The following CDH13 variants were observed in gnomAD, a reference collection of about 807,000 sequenced individuals.
CDH13 encodes cadherin 13.
In CDH13, 24 loss-of-function variants were observed where a neutral mutation model predicts 63.8. The ratio of observed to expected loss-of-function variants is 0.38; its 90% CI spans 0.27 to 0.53. CDH13 has a LOEUF of 0.53. CDH13 is among the 20% of genes least tolerant of loss of function. The probability of loss-of-function intolerance (pLI) is 0.85; values close to 1 mark genes in which losing one functional copy is unlikely to be tolerated. For synonymous variants in CDH13, 503 were observed against 355.3 expected (o/e 1.42, Z -4.67); for missense variants, 1,049 against 903.1 (o/e 1.16, Z -2.07).
At chr16:83,574,839 A>G (rs760995744) in intron 7 of CDH13, among the ~76,000 whole-genome samples, 13 of 152,170 alleles carry the variant, frequency 8.5e-5, no homozygotes, top group Non-Finnish European at 1.8e-4. Context: ...AATATCCATG[A>G]ACTCCAGTTT....
chr16:83,302,024 G>A (rs1465663411), intron 5 of CDH13, among the ~76,000 whole-genome samples: 2 of 151,882 alleles, frequency 1.3e-5, no homozygotes, highest in African/African-American at 2.4e-5. Context: ...TAAAATCCCA[G>A]CTAGTCCATT....
intron 1 of CDH13, among the ~76,000 whole-genome samples, chr16:82,805,616 T>A (rs751542736): frequency 1.3e-5 from 2 of 152,152 alleles, no homozygotes; most frequent in Admixed American, 1.3e-4. Context: ...TGTCATTCTG[T>A]GAGTCAGAGT....
intron 7 of CDH13, among the ~76,000 whole-genome samples, chr16:83,582,105 G>A (rs560589202): frequency 8.5e-5 from 13 of 152,162 alleles, no homozygotes; most frequent in African/African-American, 3.1e-4. Context: ...GGGTTGTCAG[G>A]GGGGTGGTTA....
At chr16:83,482,067 C>T (rs1426021375) in intron 6 of CDH13, among the ~76,000 whole-genome samples, 2 of 152,156 alleles carry the variant, frequency 1.3e-5, no homozygotes, top group Non-Finnish European at 2.9e-5. Context: ...GCAAGGACCT[C>T]CAAGGCGCAT....
chr16:83,271,097 T>C (rs2088792573), intron 5 of CDH13, among the ~76,000 whole-genome samples: 1 of 151,988 alleles, frequency 6.6e-6, no homozygotes, highest in Non-Finnish European at 1.5e-5. Flanking sequence ...ACTCAGCATA[T>C]AAAATCCTAT....
rs1042218081 is a variant in CDH13, at chr16:83,523,962, C to T, written c.960+37307C>T. On this transcript the variant is annotated intron_variant, in intron 7 of 13. Transcript: ENST00000567109. ...CCCAGATGGAGAGCGTCCTGGGCAA[C>T]CAAAGTCCCCAGGAGTATTTGCACC... is the stretch of plus-strand genomic sequence containing the variant. Among the ~76,000 whole-genome samples, 3 of 152,186 alleles carry T rather than the reference C, an allele frequency of 2.0e-5. No individual in the cohort carries two copies. In the East Asian group the frequency reaches 5.8e-4, roughly 29 times the overall value.
intron 2 of CDH13, 30 bp from the exon 3 acceptor site, chr16:83,031,980 G>A: frequency 1.3e-6 from 2 of 1,537,330 alleles, no homozygotes; most frequent in East Asian, 2.4e-5. Context: ...ACCTACTCAT[G>A]CTCCTTCTGT....
chr16:83,606,823 C>T (rs1279387785), intron 8 of CDH13, among the ~76,000 whole-genome samples: 1 of 151,248 alleles, frequency 6.6e-6, no homozygotes, highest in Non-Finnish European at 1.5e-5. Flanking sequence ...TCTGCTCCGC[C>T]GCCCTCACGG....
chr16:82,876,747 T>G (rs2040519945), intron 2 of CDH13, among the ~76,000 whole-genome samples: 2 of 152,206 alleles, frequency 1.3e-5, no homozygotes, highest in Non-Finnish European at 2.9e-5. Context: ...GAGCCCACTT[T>G]GTGGTCTAGC....
At chr16:82,769,972 A>G (rs1470539065) in intron 1 of CDH13, among the ~76,000 whole-genome samples, 1 of 152,240 alleles carries the variant, frequency 6.6e-6, no homozygotes, top group African/African-American at 2.4e-5. Context: ...TGGATTTTCA[A>G]TAAGCATAGA....
At chr16:82,759,755 A>G (rs1033898036) in intron 1 of CDH13, among the ~76,000 whole-genome samples, 13 of 152,092 alleles carry the variant, frequency 8.5e-5, no homozygotes, top group African/African-American at 3.1e-4. Context: ...ATAGAATTCA[A>G]ATAGGTTCTG....
At chr16:82,797,986 C>G (rs1410086199) in intron 1 of CDH13, among the ~76,000 whole-genome samples, 1 of 152,106 alleles carries the variant, frequency 6.6e-6, no homozygotes, top group Non-Finnish European at 1.5e-5. Flanking sequence ...CACGATGGAT[C>G]CAGATTTAAG....
At chr16:82,938,289 G>T (rs1198191544) in intron 2 of CDH13, among the ~76,000 whole-genome samples, 2 of 152,182 alleles carry the variant, frequency 1.3e-5, no homozygotes, top group Non-Finnish European at 2.9e-5. Flanking sequence ...TCGTGATAAG[G>T]TGAATGCACT....
At chr16:83,557,169 G>C (rs1169540991) in intron 7 of CDH13, among the ~76,000 whole-genome samples, 1 of 152,160 alleles carries the variant, frequency 6.6e-6, no homozygotes, top group Non-Finnish European at 1.5e-5. Flanking sequence ...GAGGGATCTA[G>C]GTTGTACGCT....
chr16:83,095,277 A>G (rs7191295), intron 3 of CDH13, among the ~76,000 whole-genome samples: 60,896 of 152,034 alleles, frequency 0.4, 12,953 homozygotes, highest in Middle Eastern at 0.58. Flanking sequence ...TCACCTCAAT[A>G]ATTCTGTCCA....
At chr16:83,236,161 A>G (rs1316963675) in intron 5 of CDH13, among the ~76,000 whole-genome samples, 3 of 152,094 alleles carry the variant, frequency 2.0e-5, no homozygotes, top group African/African-American at 7.2e-5. Context: ...TTAGATATTA[A>G]TATAGAATAA....
rs142068949 is a variant in CDH13 at position 83,214,533 on chromosome 16, T to C, written c.484-2812T>C. ...AGGCGGAGGTTGCAGTGAGCCGAAA[T>C]TGCACCACTGCATTCCAGCCTGGGT... is the stretch of plus-strand genomic sequence containing the variant. On this transcript the variant is annotated intron_variant, in intron 4 of 13. Coordinates refer to ENST00000567109, the MANE Select transcript of CDH13 (RefSeq NM_001257.5). 7.2e-3 allele frequency among the ~76,000 whole-genome samples: 836 copies of C among 116,390 alleles called. 8 individuals are homozygous for C. The highest frequency in any genetic ancestry group is 0.031 in the Middle Eastern group (3 of 98). The allele number at this position is 116,390 out of a possible 152,430, so 76.4% of individuals were successfully genotyped here.
intron 2 of CDH13, among the ~76,000 whole-genome samples, chr16:82,936,002 G>A (rs1191687556): frequency 6.6e-6 from 1 of 152,138 alleles, no homozygotes; most frequent in Non-Finnish European, 1.5e-5. Context: ...GTTCTGTCAG[G>A]TATGATGTTT....
At chr16:82,715,944 C>G (rs1481549961) in intron 1 of CDH13, among the ~76,000 whole-genome samples, 1 of 152,188 alleles carries the variant, frequency 6.6e-6, no homozygotes, top group African/African-American at 2.4e-5. Context: ...TTTATGAGCT[C>G]TTTGGTAGAA....
Sources: gnomAD v4.1 joint callset for allele counts (sites outside exome capture counted in the v4.1 genomes callset) on GRCh38, gnomAD v4.1.1 for gene constraint, MANE v1.5 for transcripts, NCBI Gene and HGNC (gene_info 2026-07-23, HGNC 2026-07-21) for gene names.